The following RALGPS1 variants were observed in gnomAD, a reference collection of about 807,000 sequenced individuals.
The protein encoded by RALGPS1 is ras-specific guanine nucleotide-releasing factor RalGPS1.
In RALGPS1, 19 loss-of-function variants were observed where a neutral mutation model predicts 78.8. That is an observed-to-expected ratio of 0.24 (90% confidence interval 0.17 to 0.35). RALGPS1 has a LOEUF of 0.35. RALGPS1 is among the 10% of genes least tolerant of loss of function. RALGPS1 has a pLI of 1.00. For synonymous variants in RALGPS1, 228 were observed against 256.3 expected, an observed-to-expected ratio of 0.89 and a Z score of 1.06; for missense variants, 454 against 688.3, an observed-to-expected ratio of 0.66 and a Z score of 3.81.
intron 8 of RALGPS1, among the ~76,000 whole-genome samples, chr9:127,156,778 G>T (rs972836012): frequency 6.6e-6 from 1 of 151,846 alleles, no homozygotes; most frequent in Admixed American, 6.6e-5. Context: ...ATGGTTTTGG[G>T]TCTTATGTCA....
chr9:127,196,921 T>G lies in RALGPS1; in HGVS notation c.1195+290T>G, dbSNP rs182334310. ...AGCCAAACACATGCCTGAGACCAGC[T>G]GCCATTGGCTGGCAGCTCCCCAGAC... On this transcript the variant is annotated intron_variant, in intron 13 of 18. Coordinates refer to ENST00000259351, the MANE Select transcript of RALGPS1 (RefSeq NM_014636.3). 2.9e-3 allele frequency among the ~76,000 whole-genome samples: 449 copies of G among 152,258 alleles called. 4 individuals are homozygous for G. Among genetic ancestry groups the G allele is most frequent in the African/African-American group, 0.01 (427 of 41,534 alleles).
At chr9:127,108,889 C>G in intron 8 of RALGPS1, 1 of 791,308 alleles carries the variant, frequency 1.3e-6, no homozygotes, top group South Asian at 2.0e-5. Context: ...TCCAAAAACT[C>G]TGCTTCAGGA....
chr9:127,088,454 C>G (rs754439219), intron 8 of RALGPS1: 7 of 167,076 alleles, frequency 4.2e-5, no homozygotes, highest in Non-Finnish European at 6.5e-5. Context: ...TGCTTTTCTC[C>G]TAAGAGCAAA....
At chr9:127,046,672 CAAAAAAA>C (rs71377987) in intron 5 of RALGPS1, among the ~76,000 whole-genome samples, 3 of 40,452 alleles carry the variant, frequency 7.4e-5, no homozygotes, top group Admixed American at 2.5e-4. Context: ...CCCATCCATA[CAAAAAAA>C]AAAAAAAAAA....
chr9:127,006,773 C>T (rs2043872004), intron 4 of RALGPS1, among the ~76,000 whole-genome samples: 2 of 152,130 alleles, frequency 1.3e-5, no homozygotes, highest in South Asian at 2.1e-4. Flanking sequence ...GGTGGTCTGG[C>T]TCTAGGGTCC....
At chr9:127,069,194 G>C in intron 7 of RALGPS1, 36 bp from the exon 8 acceptor site, 1 of 1,564,332 alleles carries the variant, frequency 6.4e-7, no homozygotes, top group African/African-American at 1.4e-5. Flanking sequence ...GCTTCTTCTG[G>C]TTTACTTATT....
intron 8 of RALGPS1, among the ~76,000 whole-genome samples, chr9:127,129,984 C>T (rs1040867722): frequency 3.3e-5 from 5 of 152,348 alleles, no homozygotes; most frequent in East Asian, 1.9e-4. Context: ...TATGGGCTCT[C>T]TTACCTTCTG....
chr9:126,948,091 A>T (rs1255568567), intron 1 of RALGPS1, among the ~76,000 whole-genome samples: 1 of 152,200 alleles, frequency 6.6e-6, no homozygotes, highest in Non-Finnish European at 1.5e-5. Flanking sequence ...ATGCTACCCA[A>T]CACTGTGAAC....
intron 4 of RALGPS1, among the ~76,000 whole-genome samples, chr9:127,028,927 G>A (rs1332693597): frequency 6.6e-6 from 1 of 151,850 alleles, no homozygotes; most frequent in Non-Finnish European, 1.5e-5. Context: ...TGTGACCCTT[G>A]TGCCCCCAGA....
Position 127,199,080 on chromosome 9 carries a change from C to T in RALGPS1, c.1247+14C>T, listed in dbSNP as rs901267921. 4 of 1,612,346 alleles carry T rather than the reference C, an allele frequency of 2.5e-6. No individual in the cohort carries two copies. In the African/African-American group the frequency reaches 4.0e-5, roughly 16 times the overall value. ...AGGGCTGGAAAGGTGAGTGTGGCCT[C>T]AGCATGGCCTCCCTCCCAGGGGCGG... On this transcript the variant is annotated intron_variant, in intron 14 of 18. Coordinates refer to ENST00000259351, the MANE Select transcript of RALGPS1 (RefSeq NM_014636.3).
At chr9:127,096,305 G>A (rs763879038) in intron 8 of RALGPS1, among the ~76,000 whole-genome samples, 6 of 152,370 alleles carry the variant, frequency 3.9e-5, no homozygotes, top group Admixed American at 2.6e-4. Flanking sequence ...GCAGAGCGCC[G>A]GTGGGCGTGG....
intron 8 of RALGPS1, among the ~76,000 whole-genome samples, chr9:127,123,483 G>A (rs781505652): frequency 2.6e-5 from 4 of 152,284 alleles, no homozygotes; most frequent in East Asian, 1.9e-4. Flanking sequence ...TGTCAAGGAC[G>A]CCTCCTTGAA....
chr9:126,980,953 A>G (rs1348816965), intron 4 of RALGPS1, among the ~76,000 whole-genome samples: 1 of 152,208 alleles, frequency 6.6e-6, no homozygotes, highest in Non-Finnish European at 1.5e-5. Context: ...CAACTGGAGA[A>G]TTGATCCTGG....
At chr9:126,933,289 G>A (rs1019445550) in intron 1 of RALGPS1, among the ~76,000 whole-genome samples, 3 of 152,122 alleles carry the variant, frequency 2.0e-5, no homozygotes, top group Non-Finnish European at 2.9e-5. Context: ...CATGAGGTGG[G>A]AGAGCCTTAG....
At chr9:127,140,464 T>G (rs1312133896) in intron 8 of RALGPS1, among the ~76,000 whole-genome samples, 1 of 152,208 alleles carries the variant, frequency 6.6e-6, no homozygotes, top group Non-Finnish European at 1.5e-5. Flanking sequence ...CTTGAGACAG[T>G]GCCTTGGTGC....
intron 3 of RALGPS1, among the ~76,000 whole-genome samples, chr9:126,971,875 G>T (rs2040155148): frequency 6.6e-6 from 1 of 152,172 alleles, no homozygotes; most frequent in Non-Finnish European, 1.5e-5. Flanking sequence ...TGGAATGCTA[G>T]TATACTCTAT....
chr9:127,024,036 CAA>C (rs61549879), intron 4 of RALGPS1, among the ~76,000 whole-genome samples: 3 of 71,638 alleles, frequency 4.2e-5, no homozygotes, highest in Non-Finnish European at 5.0e-5. Context: ...GACTCTGTCT[CAA>C]AAAAAAAAAA....
chr9:127,159,724 C>T lies in RALGPS1; in HGVS notation c.611-6345C>T, dbSNP rs556469859. Among the ~76,000 whole-genome samples, 277 of 152,304 alleles carry T rather than the reference C, an allele frequency of 1.8e-3. 3 individuals are homozygous for T. The highest frequency in any genetic ancestry group is 5.0e-4 in the Non-Finnish European group (34 of 68,024). On this transcript the variant is annotated intron_variant, in intron 8 of 18. Transcript: ENST00000259351. The stretch of plus-strand genomic sequence containing the variant: ...ATGCAGTAGATGGAAATGCTTTGTG[C>T]TCTCTTAAAGAGAGCACACACATCC...
intron 8 of RALGPS1, among the ~76,000 whole-genome samples, chr9:127,160,424 C>G (rs2058954983): frequency 6.6e-6 from 1 of 152,226 alleles, no homozygotes; most frequent in Non-Finnish European, 1.5e-5. Flanking sequence ...GCTGCCCACT[C>G]TGGCCCTGGG....
Sources: allele counts gnomAD v4.1 joint callset (sites outside exome capture counted in the v4.1 genomes callset), GRCh38; gene constraint gnomAD v4.1.1; transcripts MANE v1.5; gene names NCBI Gene and HGNC (gene_info 2026-07-23, HGNC 2026-07-21).